RBFOX1: variants seen among roughly 807,000 people sequenced by gnomAD.
RBFOX1 encodes the protein RNA binding protein fox-1 homolog 1.
In RBFOX1, 8 loss-of-function variants were observed where a neutral mutation model predicts 57.7. The observed-to-expected ratio is 0.14, with a 90% CI of 0.08 to 0.25. The LOEUF (loss-of-function observed/expected upper bound fraction) is 0.25, where lower values mean the gene tolerates loss of function less well. Among genes scored for constraint, RBFOX1 ranks in the 10% least tolerant of loss-of-function variants. The probability of loss-of-function intolerance (pLI) is 1.00; values close to 1 mark genes in which losing one functional copy is unlikely to be tolerated. For missense variants in RBFOX1, 611 were observed against 548.5 expected (o/e 1.11, Z -1.14); for synonymous variants, 326 against 222.4 (o/e 1.47, Z -4.15).
chr16:5,345,127 C>G (rs1409828161), intron 1 of RBFOX1, among the ~76,000 whole-genome samples: 1 of 152,088 alleles, frequency 6.6e-6, no homozygotes. Context: ...AGGGGGCTGC[C>G]TCGACCCTCT....
intron 2 of RBFOX1, among the ~76,000 whole-genome samples, chr16:6,326,428 T>C (rs1459331783): frequency 6.6e-6 from 1 of 152,138 alleles, no homozygotes; most frequent in Non-Finnish European, 1.5e-5. Flanking sequence ...AAGGATGTGA[T>C]TAGTTTGACC....
chr16:7,070,173 T>C (rs2057026503), intron 4 of RBFOX1, among the ~76,000 whole-genome samples: 1 of 152,322 alleles, frequency 6.6e-6, no homozygotes, highest in South Asian at 2.1e-4. Context: ...AACTTGAGTT[T>C]GGCTCACTGA....
chr16:7,420,495 C>G (rs1488115448), intron 4 of RBFOX1, among the ~76,000 whole-genome samples: 1 of 152,144 alleles, frequency 6.6e-6, no homozygotes, highest in Admixed American at 6.6e-5. Flanking sequence ...CGATACATCT[C>G]TTGTCAGACT....
chr16:5,949,203 A>G (rs2059467039), intron 4 of RBFOX1, among the ~76,000 whole-genome samples: 1 of 152,168 alleles, frequency 6.6e-6, no homozygotes, highest in Non-Finnish European at 1.5e-5. Flanking sequence ...GATATTATCT[A>G]CTATACAGCC....
chr16:5,428,937 T>C (rs2067646260), intron 1 of RBFOX1, among the ~76,000 whole-genome samples: 1 of 152,158 alleles, frequency 6.6e-6, no homozygotes. Flanking sequence ...CTTTATGGCT[T>C]GTCTCGATGT....
intron 3 of RBFOX1, among the ~76,000 whole-genome samples, chr16:6,827,360 G>A (rs12448667): frequency 6.6e-6 from 1 of 152,006 alleles, no homozygotes; most frequent in Admixed American, 6.6e-5. Context: ...ATGGGAAGAT[G>A]TGTTGTGTGC....
At chr16:6,669,812 A>C (rs2098753022) in intron 3 of RBFOX1, among the ~76,000 whole-genome samples, 1 of 152,166 alleles carries the variant, frequency 6.6e-6, no homozygotes. Flanking sequence ...TTAAGGGAGC[A>C]CAGTAGAAAA....
chr16:5,952,876 C>G (rs192983056), intron 4 of RBFOX1, among the ~76,000 whole-genome samples: 13 of 152,244 alleles, frequency 8.5e-5, no homozygotes, highest in Non-Finnish European at 1.6e-4. Context: ...CAGACCTCTG[C>G]CTCTGAAAAT....
At position 5,424,527 on chromosome 16, in the gene RBFOX1, C is replaced by CT. The variant is rs34944009; in HGVS notation, c.220-42673dup. Among the ~76,000 whole-genome samples, 284 of 144,196 alleles carry CT rather than the reference C, an allele frequency of 2.0e-3. 1 individual carries two copies. Among genetic ancestry groups the CT allele is most frequent in the South Asian group, 9.2e-3 (41 of 4,456 alleles). 94.6% of individuals were successfully genotyped at this position (144,196 alleles called of 152,430 possible). ...GATTCTAAAGATGGGTGGCGTTTTACTTTTTTTTTTTTTTTTAGCGTTTAT... is the reference window on the plus strand; with the variant it reads ...GATTCTAAAGATGGGTGGCGTTTTACTTTTTTTTTTTTTTTTTAGCGTTTAT... On this transcript the variant is annotated intron_variant, in intron 1 of 2. Coordinates refer to the RBFOX1 transcript ENST00000585867.
chr16:5,440,313 A>G (rs2068046209), intron 1 of RBFOX1, among the ~76,000 whole-genome samples: 1 of 152,228 alleles, frequency 6.6e-6, no homozygotes, highest in Non-Finnish European at 1.5e-5. Context: ...TTCTTAGAAG[A>G]TGCTTGCCCT....
intron 3 of RBFOX1, among the ~76,000 whole-genome samples, chr16:6,810,734 C>A (rs1446510536): frequency 6.6e-6 from 1 of 152,184 alleles, no homozygotes. Context: ...ACCTTCTTCA[C>A]AGGGCAGCAA....
chr16:6,943,133 GTAA>G (rs2153505653), intron 3 of RBFOX1, among the ~76,000 whole-genome samples: 1 of 152,306 alleles, frequency 6.6e-6, no homozygotes, highest in Non-Finnish European at 1.5e-5. Context: ...CTTAGCTGCT[GTAA>G]TACTGGCTTG....
At chr16:7,569,967 C>A (rs57559210) in intron 5 of RBFOX1, among the ~76,000 whole-genome samples, 24,802 of 152,068 alleles carry the variant, frequency 0.16, 2,526 homozygotes, top group African/African-American at 0.29. Context: ...GGATCCTTCA[C>A]ATGTCATTTT....
At chr16:7,375,052 G>A (rs188305633) in intron 4 of RBFOX1, among the ~76,000 whole-genome samples, 8 of 152,326 alleles carry the variant, frequency 5.3e-5, no homozygotes, top group East Asian at 1.9e-4. Flanking sequence ...GTAGATAGGC[G>A]TATGTTTCAG....
chr16:7,077,844 C>T (rs1354307627), intron 4 of RBFOX1, among the ~76,000 whole-genome samples: 1 of 152,086 alleles, frequency 6.6e-6, no homozygotes, highest in African/African-American at 2.4e-5. Flanking sequence ...CAGCTACAAC[C>T]AATTTCTCCC....
chr16:6,746,853 T>C (rs1401164430), intron 3 of RBFOX1, among the ~76,000 whole-genome samples: 1 of 152,146 alleles, frequency 6.6e-6, no homozygotes, highest in Non-Finnish European at 1.5e-5. Flanking sequence ...TTATTAAGCA[T>C]AACAACTCAA....
intron 4 of RBFOX1, among the ~76,000 whole-genome samples, chr16:7,210,296 C>G (rs969341342): frequency 6.6e-6 from 1 of 152,196 alleles, no homozygotes; most frequent in South Asian, 2.1e-4. Flanking sequence ...ATGGGCCAGG[C>G]CATCAGGAAG....
At chr16:7,651,112 TAGAA>T (rs917854388) in intron 11 of RBFOX1, among the ~76,000 whole-genome samples, 4 of 152,288 alleles carry the variant, frequency 2.6e-5, no homozygotes, top group African/African-American at 9.6e-5. Flanking sequence ...CAGATACAAA[TAGAA>T]AGACGGAATC....
At chr16:7,052,019 C>T (rs757432764) in intron 3 of RBFOX1, 38 bp from the exon 4 acceptor site, 11 of 1,575,822 alleles carry the variant, frequency 7.0e-6, no homozygotes, top group Non-Finnish European at 9.5e-6. Flanking sequence ...TGATCCGGAG[C>T]CTTCTGACTT....
Sources: gnomAD v4.1 joint callset for allele counts (sites outside exome capture counted in the v4.1 genomes callset) on GRCh38, gnomAD v4.1.1 for gene constraint, MANE v1.5 for transcripts, NCBI Gene and HGNC (gene_info 2026-07-23, HGNC 2026-07-21) for gene names.